The following SPATA13 variants were observed in gnomAD, a reference collection of about 807,000 sequenced individuals.
The protein encoded by SPATA13 is spermatogenesis-associated protein 13.
A neutral mutation model predicts 104.0 loss-of-function variants in SPATA13; 50 were observed. The ratio of observed to expected loss-of-function variants is 0.48; its 90% CI spans 0.38 to 0.61. SPATA13 has a LOEUF of 0.61. Among genes scored for constraint, SPATA13 ranks in the 20% least tolerant of loss-of-function variants. The pLI, the probability that SPATA13 is intolerant of heterozygous loss-of-function variation, is 0.00. For missense variants in SPATA13, 1,524 were observed against 1,690.6 expected, an observed-to-expected ratio of 0.90 and a Z score of 1.73; for synonymous variants, 606 against 667.5, an observed-to-expected ratio of 0.91 and a Z score of 1.42.
intron 3 of SPATA13, among the ~76,000 whole-genome samples, chr13:24,041,943 G>T (rs187626179): frequency 6.6e-6 from 1 of 152,210 alleles, no homozygotes; most frequent in Non-Finnish European, 1.5e-5. Context: ...CACAGTCCTC[G>T]CCTTTTCCTC....
intron 2 of SPATA13, among the ~76,000 whole-genome samples, chr13:24,245,016 G>C (rs971841841): frequency 2.6e-5 from 4 of 152,194 alleles, no homozygotes; most frequent in African/African-American, 9.6e-5. Context: ...CAGAGCTCTG[G>C]CATGGCCGTG....
At chr13:24,115,160 C>A (rs1880793529) in intron 3 of SPATA13, among the ~76,000 whole-genome samples, 1 of 152,184 alleles carries the variant, frequency 6.6e-6, no homozygotes, top group Non-Finnish European at 1.5e-5. Context: ...ATCAGAAGAC[C>A]TTTGAGCAAG....
intron 3 of SPATA13, chr13:24,123,529 C>T (rs1449590424): frequency 6.2e-7 from 1 of 1,611,398 alleles, no homozygotes; most frequent in Non-Finnish European, 8.5e-7. Flanking sequence ...CGAGGGTCAG[C>T]ATTTGGTTCT....
chr13:24,225,902 G>A (rs567895354), intron 2 of SPATA13, among the ~76,000 whole-genome samples: 3 of 152,282 alleles, frequency 2.0e-5, no homozygotes, highest in African/African-American at 7.2e-5. Flanking sequence ...CCCACCATTG[G>A]GCAGGTTCCA....
At chr13:24,167,729 G>T (rs1220582) in intron 1 of SPATA13, among the ~76,000 whole-genome samples, 19,341 of 152,154 alleles carry the variant, frequency 0.13, 2,292 homozygotes, top group African/African-American at 0.32. Flanking sequence ...TGTGGCAAGT[G>T]ATCTGTCTTC....
intron 2 of SPATA13, among the ~76,000 whole-genome samples, chr13:23,991,069 C>T (rs535746258): frequency 2.6e-5 from 4 of 152,294 alleles, no homozygotes; most frequent in African/African-American, 9.6e-5. Context: ...GAAACAGACA[C>T]CTGCTTAACT....
intron 4 of SPATA13, among the ~76,000 whole-genome samples, chr13:24,255,038 G>T (rs1353147941): frequency 6.6e-6 from 1 of 152,228 alleles, no homozygotes; most frequent in African/African-American, 2.4e-5. Context: ...AGCCCATCTT[G>T]TTCTTTCCAC....
At chr13:24,281,243 C>G (rs539948661) in intron 4 of SPATA13, among the ~76,000 whole-genome samples, 2 of 152,242 alleles carry the variant, frequency 1.3e-5, no homozygotes, top group Non-Finnish European at 2.9e-5. Flanking sequence ...TTACTCCTCC[C>G]CCTCCAACCC....
intron 4 of SPATA13, among the ~76,000 whole-genome samples, chr13:24,259,131 C>T (rs935767401): frequency 5.9e-5 from 9 of 152,322 alleles, no homozygotes; most frequent in South Asian, 4.1e-4. Flanking sequence ...CCAACAGGCA[C>T]GTGCAAGTGA....
chr13:24,095,552 A>G (rs1334628865), intron 3 of SPATA13, among the ~76,000 whole-genome samples: 1 of 152,356 alleles, frequency 6.6e-6, no homozygotes, highest in East Asian at 1.9e-4. Flanking sequence ...ATACGTTTAG[A>G]AATGGTTATG....
chr13:24,204,883 C>T (rs1870617544), intron 1 of SPATA13, among the ~76,000 whole-genome samples: 1 of 152,114 alleles, frequency 6.6e-6, no homozygotes, highest in Admixed American at 6.5e-5. Context: ...TGCCTGTTGG[C>T]TGTTGTGAGT....
intron 1 of SPATA13, among the ~76,000 whole-genome samples, chr13:24,191,101 A>G (rs2265615): frequency 0.96 from 146,024 of 152,188 alleles, 70,254 homozygotes; most frequent in Non-Finnish European, 1. Flanking sequence ...ACATTTTTTA[A>G]CAATGAAGTC....
Position 24,302,993 on chromosome 13 carries a change from C to A in SPATA13, c.*220C>A. ...GGTCATGACACAAAGCTTTATCCTA[C>A]ACAGAAACACCCGTGACCCACTATG... On this transcript the variant is annotated 3_prime_UTR_variant, in exon 13 of 13. Transcript: ENST00000382108. 1 of 602,712 alleles carries A rather than the reference C, an allele frequency of 1.7e-6. No homozygotes were observed. Among genetic ancestry groups the A allele is most frequent in the Non-Finnish European group, 2.9e-6 (1 of 342,524 alleles). The allele number at this position is 602,712 out of a possible 1,614,324, so 37.3% of individuals were successfully genotyped here.
At chr13:24,175,440 G>C (rs914092467) in intron 1 of SPATA13, among the ~76,000 whole-genome samples, 8 of 152,110 alleles carry the variant, frequency 5.3e-5, no homozygotes, top group African/African-American at 1.7e-4. Context: ...GTACCAAAGA[G>C]GGGCCATTTC....
chr13:23,986,705 C>T (rs988180850), intron 2 of SPATA13, among the ~76,000 whole-genome samples: 1 of 152,210 alleles, frequency 6.6e-6, no homozygotes, highest in Non-Finnish European at 1.5e-5. Flanking sequence ...ATAGCATTGT[C>T]TTCAGCTGCT....
Position 24,174,696 on chromosome 13 carries a change from T to C in SPATA13, c.-112+13764T>C, listed in dbSNP as rs376573029. Among the ~76,000 whole-genome samples the C allele has an allele frequency of 9.5e-4, 144 of 152,130 alleles. 1 individual carries two copies. The highest frequency in any genetic ancestry group is 3.0e-3 in the African/African-American group (125 of 41,504). On this transcript the variant is annotated intron_variant, in intron 1 of 12. Coordinates refer to ENST00000382108, the MANE Select transcript of SPATA13 (RefSeq NM_001166271.3). Reference sequence around the variant, plus strand: ...GGTTCAAGCTATTCTCCTGCCTCAGTCTCCCAAGTAGCTGGGACTACAGGT... The same window carrying C: ...GGTTCAAGCTATTCTCCTGCCTCAGCCTCCCAAGTAGCTGGGACTACAGGT...
intron 2 of SPATA13, among the ~76,000 whole-genome samples, chr13:23,985,318 T>C (rs1023015230): frequency 6.6e-6 from 1 of 152,218 alleles, no homozygotes; most frequent in Non-Finnish European, 1.5e-5. Flanking sequence ...CTGCTGAGGG[T>C]GAGCACACAC....
intron 1 of SPATA13, among the ~76,000 whole-genome samples, chr13:24,167,281 T>C (rs1882778680): frequency 6.6e-6 from 1 of 152,200 alleles, no homozygotes; most frequent in Non-Finnish European, 1.5e-5. Context: ...TGGCACCACG[T>C]CTGTTGTGTA....
Position 24,283,307 on chromosome 13 carries a change from T to C in SPATA13, c.2165-828T>C, listed in dbSNP as rs543957928. On this transcript the variant is annotated intron_variant, in intron 4 of 12. Coordinates refer to ENST00000382108, the MANE Select transcript of SPATA13 (RefSeq NM_001166271.3). ...TTAAAGACAAGGGTCATCTGTTGTA[T>C]AGCTTTCTGTCCCCAGCACCTGACA... Among the ~76,000 whole-genome samples the C allele has an allele frequency of 4.6e-5, 7 of 152,354 alleles. No homozygotes were observed. In the South Asian group the frequency reaches 1.5e-3, roughly 32 times the overall value.
Sources: gnomAD v4.1 joint callset for allele counts (sites outside exome capture counted in the v4.1 genomes callset) on GRCh38, gnomAD v4.1.1 for gene constraint, MANE v1.5 for transcripts, NCBI Gene and HGNC (gene_info 2026-07-23, HGNC 2026-07-21) for gene names.